Variants in ART3 observed in about 807,000 individuals in gnomAD.
The protein encoded by ART3 is ecto-ADP-ribosyltransferase 3.
Under a neutral mutation model 48.5 loss-of-function variants are expected in ART3, and 49 were observed. The observed-to-expected ratio is 1.01, with a 90% CI of 0.80 to 1.28. The LOEUF is 1.28. ART3 is among the 50% of genes most tolerant of loss of function. The pLI is 0.00. For synonymous variants in ART3, 145 were observed against 157.2 expected, an observed-to-expected ratio of 0.92 and a Z score of 0.58; for missense variants, 438 against 454.3, an observed-to-expected ratio of 0.96 and a Z score of 0.33.
At chr4:76,052,363 G>T (rs1488224151) in intron 1 of ART3, among the ~76,000 whole-genome samples, 1 of 152,162 alleles carries the variant, frequency 6.6e-6, no homozygotes, top group Non-Finnish European at 1.5e-5. Flanking sequence ...GCAAGTGCAT[G>T]CACAGAATAA....
Position 76,107,786 on chromosome 4 carries a change from C to T in ART3, c.1029C>T (p.Asn343=), listed in dbSNP as rs151261114. ...LPEDKSQGNI[N]NPTPGPVPVP... is the part of the protein sequence containing the mutation. ...AAGATAAAAGTCAAGGAAATATCAA[C>T]AATCCTAGTAAGAAGTATCTCATTT... is the stretch of plus-strand genomic sequence containing the variant. Residue 343 remains asparagine (N), a synonymous_variant, in exon 11 of 12, where the codon AAC becomes AAT. Transcript: ENST00000355810. The T allele has an allele frequency of 5.6e-5, 83 of 1,476,730 alleles. No homozygotes were observed. The African/African-American group carries it at 1.1e-3, about 20-fold the overall frequency. The allele number at this position is 1,476,730 out of a possible 1,614,324, so 91.5% of individuals were successfully genotyped here.
intron 3 of ART3, among the ~76,000 whole-genome samples, chr4:76,090,943 T>C (rs958660696): frequency 3.9e-5 from 6 of 152,210 alleles, no homozygotes; most frequent in African/African-American, 9.6e-5. Context: ...CATCTACTAA[T>C]GTACTTGCTG....
intron 1 of ART3, among the ~76,000 whole-genome samples, chr4:76,048,996 T>C (rs1428627444): frequency 1.3e-5 from 2 of 151,936 alleles, no homozygotes; most frequent in Non-Finnish European, 2.9e-5. Context: ...TCCTCACTTA[T>C]ATGAATAGGA....
At chr4:76,054,555 G>A (rs1718493847) in intron 1 of ART3, among the ~76,000 whole-genome samples, 1 of 152,024 alleles carries the variant, frequency 6.6e-6, no homozygotes, top group African/African-American at 2.4e-5. Flanking sequence ...ATTTAGGCTG[G>A]GCTTAGTTGC....
chr4:76,058,960 G>A (rs1007072790), intron 1 of ART3, among the ~76,000 whole-genome samples: 1 of 152,150 alleles, frequency 6.6e-6, no homozygotes, highest in Non-Finnish European at 1.5e-5. Context: ...AGTGAGGTAC[G>A]GAAACAGCTG....
chr4:76,041,948 A>T (rs1314768953), intron 1 of ART3, among the ~76,000 whole-genome samples: 1 of 152,224 alleles, frequency 6.6e-6, no homozygotes, highest in African/African-American at 2.4e-5. Context: ...AAAAGATCAG[A>T]TACATTCTCT....
chr4:76,066,857 T>C (rs923633458), intron 1 of ART3, among the ~76,000 whole-genome samples: 4 of 152,116 alleles, frequency 2.6e-5, no homozygotes, highest in African/African-American at 9.7e-5. Flanking sequence ...TGCTCCAAGA[T>C]TGGAGCAGGA....
At chr4:76,043,889 A>G (rs1267465155) in intron 1 of ART3, among the ~76,000 whole-genome samples, 1 of 151,914 alleles carries the variant, frequency 6.6e-6, no homozygotes, top group Non-Finnish European at 1.5e-5. Context: ...TGCTGTTGGG[A>G]ATTTGGCCGA....
intron 1 of ART3, among the ~76,000 whole-genome samples, chr4:76,038,918 T>C (rs1249790041): frequency 6.6e-6 from 1 of 151,892 alleles, no homozygotes; most frequent in Non-Finnish European, 1.5e-5. Context: ...AGATGGTGTT[T>C]AGCCATGTTG....
intron 1 of ART3, among the ~76,000 whole-genome samples, chr4:76,055,976 T>G (rs1270686437): frequency 1.3e-5 from 2 of 152,174 alleles, no homozygotes; most frequent in East Asian, 3.8e-4. Flanking sequence ...GTAACTGATG[T>G]CAGTGCAATA....
intron 1 of ART3, among the ~76,000 whole-genome samples, chr4:76,063,556 TG>T (rs1198675210): frequency 2.0e-5 from 3 of 152,162 alleles, no homozygotes; most frequent in Non-Finnish European, 4.4e-5. Context: ...TCCTGAATTT[TG>T]TTGAAAAAAT....
chr4:76,096,548 C>T lies in ART3; in HGVS notation c.782-1096C>T, dbSNP rs117763667. On this transcript the variant is annotated intron_variant, in intron 3 of 11. Coordinates refer to ENST00000355810, the MANE Select transcript of ART3 (RefSeq NM_001130016.3). ...TTCGCCAGGTATGAAGTAGAGACCACGAGGCATCTAGACCTTTGTTATGCA... is the reference window on the plus strand; with the variant it reads ...TTCGCCAGGTATGAAGTAGAGACCATGAGGCATCTAGACCTTTGTTATGCA... 6.6e-5 allele frequency among the ~76,000 whole-genome samples: 10 copies of T among 152,314 alleles called. No homozygotes were observed. The East Asian group carries it at 1.4e-3, about 21-fold the overall frequency.
intron 5 of ART3, among the ~76,000 whole-genome samples, 183 bp from the exon 6 acceptor site, chr4:76,100,108 G>C (rs1012333989): frequency 3.9e-5 from 6 of 152,160 alleles, no homozygotes; most frequent in African/African-American, 1.4e-4. Context: ...GAATGTTCCA[G>C]CTCATTAGCC....
At chr4:76,050,809 G>A (rs937937075) in intron 1 of ART3, among the ~76,000 whole-genome samples, 1 of 152,220 alleles carries the variant, frequency 6.6e-6, no homozygotes, top group Non-Finnish European at 1.5e-5. Flanking sequence ...CCCGCAGGAA[G>A]GCAGCTAAGG....
intron 2 of ART3, among the ~76,000 whole-genome samples, chr4:76,077,708 G>T (rs542086178): frequency 3.3e-5 from 5 of 151,940 alleles, no homozygotes; most frequent in African/African-American, 1.2e-4. Flanking sequence ...ACTTCTCTTG[G>T]GTGTACACCT....
intron 1 of ART3, among the ~76,000 whole-genome samples, chr4:76,052,684 G>A (rs1341901736): frequency 6.7e-6 from 1 of 150,114 alleles, no homozygotes; most frequent in East Asian, 2.0e-4. Context: ...ACTTGTAAGT[G>A]AGAACATGCG....
intron 1 of ART3, among the ~76,000 whole-genome samples, chr4:76,032,872 C>T (rs57430951): frequency 0.076 from 11,592 of 152,026 alleles, 550 homozygotes; most frequent in South Asian, 0.14. Flanking sequence ...AGATGTGAGC[C>T]ATCGCACCCA....
At chr4:76,030,356 T>G (rs542047980) in intron 1 of ART3, among the ~76,000 whole-genome samples, 42 of 152,250 alleles carry the variant, frequency 2.8e-4, no homozygotes, top group Admixed American at 2.6e-3. Context: ...GTGTCTGGCC[T>G]CAGCTTCAAC....
At chr4:76,097,445 G>A (rs938295813) in intron 3 of ART3, among the ~76,000 whole-genome samples, 199 bp from the exon 4 acceptor site, 5 of 151,988 alleles carry the variant, frequency 3.3e-5, no homozygotes, top group African/African-American at 9.7e-5. Flanking sequence ...GGGCTGAAGC[G>A]ATCCTCCTGC....
Sources: allele counts gnomAD v4.1 joint callset (sites outside exome capture counted in the v4.1 genomes callset), GRCh38; gene constraint gnomAD v4.1.1; transcripts MANE v1.5; gene names NCBI Gene and HGNC (gene_info 2026-07-23, HGNC 2026-07-21).